Variants in PALLD observed in about 807,000 individuals in gnomAD.
The protein encoded by PALLD is palladin.
Under a neutral mutation model 123.5 loss-of-function variants are expected in PALLD, and 61 were observed. The observed-to-expected ratio is 0.49, with a 90% CI of 0.40 to 0.61. The LOEUF (loss-of-function observed/expected upper bound fraction) is 0.61, where lower values mean the gene tolerates loss of function less well. Ranked by LOEUF, PALLD falls within the 20% of genes least tolerant of loss-of-function variation. The pLI, the probability that PALLD is intolerant of heterozygous loss-of-function variation, is 0.00. For synonymous variants in PALLD, 465 were observed against 496.4 expected, an observed-to-expected ratio of 0.94 and a Z score of 0.84; for missense variants, 1,273 against 1,377.0, an observed-to-expected ratio of 0.92 and a Z score of 1.20.
At chr4:168,849,062 C>T (rs1457688747) in intron 10 of PALLD, among the ~76,000 whole-genome samples, 2 of 152,298 alleles carry the variant, frequency 1.3e-5, no homozygotes, top group East Asian at 3.9e-4. Flanking sequence ...TGCTTCAGTC[C>T]TTACCATGAG....
At chr4:168,631,494 G>A in intron 2 of PALLD, 1 of 512,732 alleles carries the variant, frequency 2.0e-6, no homozygotes, top group Middle Eastern at 9.7e-4. Flanking sequence ...AGAGCATGGA[G>A]TGAAGGGAGT....
intron 10 of PALLD, among the ~76,000 whole-genome samples, chr4:168,884,250 G>A (rs1249251315): frequency 6.6e-6 from 1 of 152,164 alleles, no homozygotes; most frequent in Non-Finnish European, 1.5e-5. Context: ...TTCGTAAAGT[G>A]TTTCTGAATT....
rs1752078030 is a variant in PALLD at position 168,878,223 on chromosome 4, C to T, written c.1965-12699C>T. On this transcript the variant is annotated intron_variant, in intron 10 of 21. Coordinates refer to ENST00000505667, the MANE Select transcript of PALLD (RefSeq NM_001166108.2). ...CCGGTGCCCGACGTGTTCCCACTGCCGCCGCCACCACCGCCGCTCCCGAGC... is the reference window on the plus strand; with the variant it reads ...CCGGTGCCCGACGTGTTCCCACTGCTGCCGCCACCACCGCCGCTCCCGAGC... 8 of 1,520,490 alleles carry T rather than the reference C, an allele frequency of 5.3e-6. No homozygotes were observed. Among genetic ancestry groups the T allele is most frequent in the Middle Eastern group, 2.2e-4 (1 of 4,526 alleles). 94.2% of individuals were successfully genotyped at this position (1,520,490 alleles called of 1,614,324 possible).
intron 10 of PALLD, among the ~76,000 whole-genome samples, chr4:168,719,424 A>T (rs1785746355): frequency 6.7e-6 from 1 of 149,854 alleles, no homozygotes; most frequent in Non-Finnish European, 1.5e-5. Context: ...TGCCTGGCTA[A>T]TTTTTTTGTA....
chr4:168,678,279 G>A (rs1343126086), intron 3 of PALLD, among the ~76,000 whole-genome samples: 1 of 152,092 alleles, frequency 6.6e-6, no homozygotes, highest in Non-Finnish European at 1.5e-5. Flanking sequence ...TCACTTCTTA[G>A]TGAGGTTCAT....
intron 10 of PALLD, among the ~76,000 whole-genome samples, chr4:168,719,252 C>CCT (rs1354493694): frequency 2.2e-4 from 19 of 85,712 alleles, no homozygotes; most frequent in African/African-American, 8.1e-4. Context: ...AAGTAATCTT[C>CCT]TTTTTTTTTT....
At position 168,511,480 on chromosome 4, in the gene PALLD, C is replaced by T. The variant is rs1762523366; in HGVS notation, c.-25C>T. The T allele has an allele frequency of 6.3e-7, 1 of 1,586,610 alleles. No individual in the cohort carries two copies. The highest frequency in any genetic ancestry group is 1.3e-5 in the African/African-American group (1 of 74,384). On this transcript the variant is annotated 5_prime_UTR_variant, in exon 2 of 22. Transcript: ENST00000505667. Reference sequence around the variant, plus strand: ...CTGGCCTTCCTACTGAAAGCAGACACAGAGTGCATGAAGACCGTTCAAATA... The same window carrying T: ...CTGGCCTTCCTACTGAAAGCAGACATAGAGTGCATGAAGACCGTTCAAATA...
At chr4:168,500,562 G>C (rs1265982838) in intron 1 of PALLD, among the ~76,000 whole-genome samples, 2 of 152,024 alleles carry the variant, frequency 1.3e-5, no homozygotes, top group Non-Finnish European at 2.9e-5. Context: ...TTTTTGTAGA[G>C]ATGAAATCTA....
At chr4:168,739,673 C>A (rs903613419) in intron 10 of PALLD, among the ~76,000 whole-genome samples, 1 of 152,090 alleles carries the variant, frequency 6.6e-6, no homozygotes, top group Non-Finnish European at 1.5e-5. Context: ...TATCACATAT[C>A]CCCCATTAAT....
intron 2 of PALLD, among the ~76,000 whole-genome samples, chr4:168,578,336 C>G (rs1769857217): frequency 6.6e-6 from 1 of 152,032 alleles, no homozygotes; most frequent in East Asian, 1.9e-4. Flanking sequence ...ATAGGAGGGA[C>G]CCAGTGGGAG....
intron 2 of PALLD, among the ~76,000 whole-genome samples, chr4:168,585,188 A>T (rs971652200): frequency 7.9e-5 from 12 of 152,194 alleles, no homozygotes; most frequent in African/African-American, 4.8e-5. Flanking sequence ...TAGTTTCAAA[A>T]TTTTATGACA....
intron 2 of PALLD, among the ~76,000 whole-genome samples, chr4:168,608,726 A>G (rs1561300444): frequency 6.6e-6 from 1 of 152,090 alleles, no homozygotes; most frequent in East Asian, 1.9e-4. Flanking sequence ...GGATTTTTCT[A>G]TACCCTAACT....
intron 2 of PALLD, among the ~76,000 whole-genome samples, chr4:168,552,032 A>G (rs1766789463): frequency 6.6e-6 from 1 of 152,220 alleles, no homozygotes; most frequent in Non-Finnish European, 1.5e-5. Flanking sequence ...AGATGTATAC[A>G]TTAAATACAT....
chr4:168,884,900 C>T (rs753528114), intron 10 of PALLD, among the ~76,000 whole-genome samples: 10 of 152,192 alleles, frequency 6.6e-5, no homozygotes, highest in Non-Finnish European at 1.5e-4. Context: ...GTTTAGTACA[C>T]ATTAGTTCAT....
At chr4:168,499,783 A>G (rs947866094) in intron 1 of PALLD, among the ~76,000 whole-genome samples, 4 of 152,176 alleles carry the variant, frequency 2.6e-5, no homozygotes, top group Non-Finnish European at 5.9e-5. Flanking sequence ...TAGCTATTCC[A>G]CCTGGACTCT....
chr4:168,505,165 G>T (rs934228405), intron 1 of PALLD, among the ~76,000 whole-genome samples: 2 of 152,182 alleles, frequency 1.3e-5, no homozygotes, highest in African/African-American at 4.8e-5. Context: ...CCTAGACCAC[G>T]TGCATGTTCC....
At chr4:168,617,171 G>A (rs1774309165) in intron 2 of PALLD, among the ~76,000 whole-genome samples, 1 of 152,120 alleles carries the variant, frequency 6.6e-6, no homozygotes, top group Admixed American at 6.5e-5. Context: ...GCCATAACAG[G>A]CCCAAATAGC....
intron 2 of PALLD, among the ~76,000 whole-genome samples, chr4:168,652,763 A>G (rs1778178702): frequency 6.6e-6 from 1 of 152,248 alleles, no homozygotes; most frequent in African/African-American, 2.4e-5. Flanking sequence ...GAAACATCAT[A>G]GTATTTTTGT....
At chr4:168,781,832 A>G (rs1382544861) in intron 10 of PALLD, among the ~76,000 whole-genome samples, 1 of 152,190 alleles carries the variant, frequency 6.6e-6, no homozygotes, top group Non-Finnish European at 1.5e-5. Context: ...TCATGCCATC[A>G]TTATATTGAA....
Sources: gnomAD v4.1 joint callset for allele counts (sites outside exome capture counted in the v4.1 genomes callset) on GRCh38, gnomAD v4.1.1 for gene constraint, MANE v1.5 for transcripts, NCBI Gene and HGNC (gene_info 2026-07-23, HGNC 2026-07-21) for gene names.